The following GRM7 variants were observed in gnomAD, a reference collection of about 807,000 sequenced individuals.
GRM7 encodes the protein glutamate metabotropic receptor 7.
A neutral mutation model predicts 84.5 loss-of-function variants in GRM7; 35 were observed. The observed-to-expected ratio is 0.41, with a 90% confidence interval of 0.32 to 0.55. The LOEUF (loss-of-function observed/expected upper bound fraction) is 0.55, where lower values mean the gene tolerates loss of function less well. Ranked by LOEUF, GRM7 falls within the 20% of genes least tolerant of loss-of-function variation. The pLI is 0.19. For synonymous variants in GRM7, 487 were observed against 455.1 expected (o/e 1.07, Z -0.89); for missense variants, 1,003 against 1,194.6 (o/e 0.84, Z 2.36).
At chr3:7,432,246 G>A (rs528736045) in intron 5 of GRM7, among the ~76,000 whole-genome samples, 10 of 152,272 alleles carry the variant, frequency 6.6e-5, no homozygotes, top group South Asian at 4.1e-4. Context: ...CTGATAAAAC[G>A]CAAAGAAAAC....
intron 4 of GRM7, among the ~76,000 whole-genome samples, chr3:7,361,351 G>A (rs944821269): frequency 6.6e-6 from 1 of 152,026 alleles, no homozygotes; most frequent in African/African-American, 2.4e-5. Flanking sequence ...AACAAAGCAA[G>A]TCTAGACACA....
At chr3:7,029,331 A>C (rs866561334) in intron 1 of GRM7, among the ~76,000 whole-genome samples, 1 of 151,238 alleles carries the variant, frequency 6.6e-6, no homozygotes, top group Non-Finnish European at 1.5e-5. Flanking sequence ...AAAAAAACAA[A>C]CAAAAAAAAC....
At chr3:7,166,800 T>A (rs1181672451) in intron 2 of GRM7, among the ~76,000 whole-genome samples, 1 of 152,214 alleles carries the variant, frequency 6.6e-6, no homozygotes, top group African/African-American at 2.4e-5. Context: ...CACTGTAGCC[T>A]CGTCCCAGGA....
chr3:6,937,988 T>C (rs572049843), intron 1 of GRM7, among the ~76,000 whole-genome samples: 58 of 152,332 alleles, frequency 3.8e-4, no homozygotes, highest in African/African-American at 1.4e-3. Flanking sequence ...ATAAAGATGC[T>C]GAGTGGGGAA....
At chr3:6,876,677 C>G (rs918792314) in intron 1 of GRM7, among the ~76,000 whole-genome samples, 6 of 149,014 alleles carry the variant, frequency 4.0e-5, no homozygotes, top group African/African-American at 1.2e-4. Flanking sequence ...TCTCGGCTCA[C>G]TGCAACCTCC....
intron 7 of GRM7, among the ~76,000 whole-genome samples, chr3:7,502,863 C>T (rs940235817): frequency 2.6e-5 from 4 of 152,128 alleles, no homozygotes; most frequent in Admixed American, 2.0e-4. Context: ...TTAATTCTAA[C>T]GCAACCCTGA....
intron 1 of GRM7, among the ~76,000 whole-genome samples, chr3:6,997,237 T>G (rs1414291524): frequency 2.6e-5 from 4 of 152,220 alleles, no homozygotes; most frequent in Non-Finnish European, 5.9e-5. Context: ...CAGAGGCGAC[T>G]TTTCTAAAGT....
chr3:7,476,302 C>A (rs1247857197), intron 7 of GRM7, among the ~76,000 whole-genome samples: 2 of 152,264 alleles, frequency 1.3e-5, no homozygotes, highest in East Asian at 1.9e-4. Flanking sequence ...AATCCCAGTA[C>A]TTTGGGAGGC....
intron 2 of GRM7, among the ~76,000 whole-genome samples, chr3:7,166,299 T>C (rs1694796777): frequency 1.3e-5 from 2 of 152,282 alleles, no homozygotes; most frequent in African/African-American, 4.8e-5. Flanking sequence ...ACCTGTAACA[T>C]TGTGATATTT....
At chr3:7,122,913 T>G (rs1449995537) in intron 1 of GRM7, among the ~76,000 whole-genome samples, 1 of 133,130 alleles carries the variant, frequency 7.5e-6, no homozygotes. Flanking sequence ...CATTTAACCT[T>G]GAATATCAGG....
chr3:7,379,456 T>A, intron 4 of GRM7, among the ~76,000 whole-genome samples: 1 of 152,196 alleles, frequency 6.6e-6, no homozygotes, highest in Non-Finnish European at 1.5e-5. Flanking sequence ...TTTAATGACT[T>A]GCCTAAGACT....
intron 7 of GRM7, among the ~76,000 whole-genome samples, chr3:7,529,477 C>T (rs763062141): frequency 6.6e-6 from 1 of 152,020 alleles, no homozygotes; most frequent in Non-Finnish European, 1.5e-5. Context: ...GACAGAAATT[C>T]CTTATTTGTT....
chr3:7,096,373 T>C (rs1054394228), intron 1 of GRM7, among the ~76,000 whole-genome samples: 1 of 152,166 alleles, frequency 6.6e-6, no homozygotes, highest in African/African-American at 2.4e-5. Flanking sequence ...TTGAGGTTCT[T>C]ATAATCCCAC....
At chr3:7,309,971 G>A (rs1700334154) in intron 4 of GRM7, among the ~76,000 whole-genome samples, 1 of 152,112 alleles carries the variant, frequency 6.6e-6, no homozygotes, top group Non-Finnish European at 1.5e-5. Context: ...GGAATCCCTG[G>A]CATTTCCTCA....
At chr3:6,897,996 C>CACATG (rs1174482602) in intron 1 of GRM7, among the ~76,000 whole-genome samples, 1 of 152,188 alleles carries the variant, frequency 6.6e-6, no homozygotes, top group African/African-American at 2.4e-5. Flanking sequence ...AAGGAATAAA[C>CACATG]ACCTGACCTC....
intron 7 of GRM7, among the ~76,000 whole-genome samples, chr3:7,516,816 G>C (rs1200332222): frequency 2.0e-5 from 3 of 152,178 alleles, no homozygotes; most frequent in African/African-American, 4.8e-5. Flanking sequence ...AAGCATTTTA[G>C]CATTTTTTCA....
intron 4 of GRM7, among the ~76,000 whole-genome samples, chr3:7,385,512 G>T (rs1694753143): frequency 6.6e-6 from 1 of 151,904 alleles, no homozygotes; most frequent in African/African-American, 2.4e-5. Context: ...ATGTTATGCA[G>T]GATGGTCTCG....
At chr3:7,375,239 A>G (rs1218080052) in intron 4 of GRM7, among the ~76,000 whole-genome samples, 8 of 115,406 alleles carry the variant, frequency 6.9e-5, no homozygotes, top group East Asian at 2.6e-4. Context: ...TTTTTTTGAG[A>G]TGGAGTCTCA....
chr3:6,938,764 G>A (rs1697782107), intron 1 of GRM7, among the ~76,000 whole-genome samples: 1 of 152,150 alleles, frequency 6.6e-6, no homozygotes, highest in South Asian at 2.1e-4. Context: ...AGCTTAAAAA[G>A]CCTGACAAAA....
Sources: allele counts gnomAD v4.1 joint callset (sites outside exome capture counted in the v4.1 genomes callset), GRCh38; gene constraint gnomAD v4.1.1; transcripts MANE v1.5; gene names NCBI Gene and HGNC (gene_info 2026-07-23, HGNC 2026-07-21).